Variants in ATP5F1E observed in about 807,000 individuals in gnomAD.
ATP5F1E encodes the protein ATP synthase F1 subunit epsilon.
In ATP5F1E, 5 loss-of-function variants were observed where a neutral mutation model predicts 7.0. The observed-to-expected ratio is 0.71, with a 90% CI of 0.37 to 1.49. The LOEUF is 1.49. Among genes scored for constraint, ATP5F1E ranks in the 40% most tolerant of loss-of-function variants. The pLI is 0.03. For missense variants in ATP5F1E, 59 were observed against 57.1 expected, an observed-to-expected ratio of 1.03 and a Z score of -0.11; for synonymous variants, 20 against 20.1, an observed-to-expected ratio of 0.99 and a Z score of 0.02.
chr20:59,029,334 A>C (rs1212235203), intron 2 of ATP5F1E: 5 of 152,238 alleles, frequency 3.3e-5, no homozygotes, highest in Non-Finnish European at 7.3e-5. Context: ...ATGAGATTAG[A>C]CAGAGAGCCC....
At chr20:59,030,879 A>G (rs1480060520) in intron 1 of ATP5F1E, among the ~76,000 whole-genome samples, 2 of 152,248 alleles carry the variant, frequency 1.3e-5, no homozygotes, top group African/African-American at 4.8e-5. Context: ...TTTTGAATTA[A>G]AACAATTCGT....
chr20:59,032,204 G>A lies in ATP5F1E; in HGVS notation c.32+16C>T. On this transcript the variant is annotated intron_variant, in intron 1 of 2. Transcript: ENST00000243997. Reference sequence around the variant, plus strand: ...GCCGGCTCGCGAAGCCCTTCCCTCTGGAGGCCTGGGCCTACCTGAGTCCAG... The same window carrying A: ...GCCGGCTCGCGAAGCCCTTCCCTCTAGAGGCCTGGGCCTACCTGAGTCCAG... The A allele has an allele frequency of 6.4e-7, 1 of 1,572,422 alleles. No homozygotes were observed. Among genetic ancestry groups the A allele is most frequent in the Non-Finnish European group, 8.6e-7 (1 of 1,161,088 alleles).
rs2092005943 is a variant in ATP5F1E at position 59,028,407 on chromosome 20, T to A, written c.*438A>T. On this transcript the variant is annotated 3_prime_UTR_variant, in exon 3 of 3. Coordinates refer to ENST00000243997, the MANE Select transcript of ATP5F1E (RefSeq NM_006886.4). ...AGTATTTAATAATTATTTCCATTTG[T>A]TACTGATAACCATGTCATTATTCTG... 1 of 152,258 alleles carries A rather than the reference T, an allele frequency of 6.6e-6. No homozygotes were observed. The highest frequency in any genetic ancestry group is 2.4e-5 in the African/African-American group (1 of 41,474). The allele number at this position is 152,258 out of a possible 1,614,324, so 9.4% of individuals were successfully genotyped here.
intron 1 of ATP5F1E, among the ~76,000 whole-genome samples, chr20:59,031,428 G>A (rs1225076997): frequency 1.3e-5 from 2 of 152,208 alleles, no homozygotes; most frequent in Non-Finnish European, 2.9e-5. Context: ...GACTTCGCTG[G>A]CTTGACCTCA....
Position 59,029,404 on chromosome 20 carries a change from A to T in ATP5F1E, c.*4-563T>A, listed in dbSNP as rs569631911. On this transcript the variant is annotated intron_variant, in intron 2 of 2. Coordinates refer to ENST00000243997, the MANE Select transcript of ATP5F1E (RefSeq NM_006886.4). Reference sequence around the variant, plus strand: ...CCAGACTTGTAATAAAATATTTACTAATTCAAAATGAAAATGAAAAGTGCT... The same window carrying T: ...CCAGACTTGTAATAAAATATTTACTTATTCAAAATGAAAATGAAAAGTGCT... The T allele has an allele frequency of 1.8e-4, 28 of 152,364 alleles. No individual in the cohort carries two copies. In the East Asian group the frequency reaches 5.2e-3, roughly 28 times the overall value. 9.4% of individuals were successfully genotyped at this position (152,364 alleles called of 1,614,324 possible).
At chr20:59,029,565 ATCTC>A (rs754597149) in intron 2 of ATP5F1E, 1 of 152,272 alleles carries the variant, frequency 6.6e-6, no homozygotes, top group Non-Finnish European at 1.5e-5. Flanking sequence ...TCTGAAAAAC[ATCTC>A]TCTGATAATT....
At chr20:59,029,334 A>G (rs1212235203) in intron 2 of ATP5F1E, 1 of 152,238 alleles carries the variant, frequency 6.6e-6, no homozygotes, top group Non-Finnish European at 1.5e-5. Context: ...ATGAGATTAG[A>G]CAGAGAGCCC....
rs1395025140 is a variant in ATP5F1E, at chr20:59,027,112, C to T, written c.*1733G>A. The T allele has an allele frequency of 6.6e-6, 1 of 152,144 alleles. No individual in the cohort carries two copies. The highest frequency in any genetic ancestry group is 3.2e-3 in the Middle Eastern group (1 of 316). The allele number at this position is 152,144 out of a possible 1,614,324, so 9.4% of individuals were successfully genotyped here. A position where few individuals can be genotyped will look rare whatever the true frequency, so the allele number is the denominator to read the frequency against. The stretch of plus-strand genomic sequence containing the variant: ...TCTAAGAATCTCTGCTGACAGTAAA[C>T]TTGTCTTTTACTCAGTGACTTCACT... On this transcript the variant is annotated 3_prime_UTR_variant, in exon 3 of 3. Coordinates refer to ENST00000243997, the MANE Select transcript of ATP5F1E (RefSeq NM_006886.4).
intron 2 of ATP5F1E, 87 bp downstream of exon 2, chr20:59,030,216 A>G: frequency 2.6e-6 from 4 of 1,540,174 alleles, no homozygotes; most frequent in Non-Finnish European, 2.7e-6. Context: ...AAAAATGAAT[A>G]GAACCCAAAA....
At position 59,030,449 on chromosome 20, in the gene ATP5F1E, G is replaced by T. The variant is rs777043683; in HGVS notation, c.33-20C>A. ...ATGTAGCTGGGAGAAAATGAGAGAA[G>T]GTATATGGTTAATTATCAATATTCC... On this transcript the variant is annotated intron_variant, in intron 1 of 2. Coordinates refer to ENST00000243997, the MANE Select transcript of ATP5F1E (RefSeq NM_006886.4). The T allele has an allele frequency of 3.1e-6, 5 of 1,612,892 alleles. No homozygotes were observed. In the East Asian group the frequency reaches 1.1e-4, roughly 36 times the overall value.
chr20:59,031,786 A>C (rs2092032798), intron 1 of ATP5F1E, among the ~76,000 whole-genome samples: 1 of 152,222 alleles, frequency 6.6e-6, no homozygotes, highest in Non-Finnish European at 1.5e-5. Context: ...CTCCACCTCG[A>C]TGCTGGATTA....
chr20:59,031,936 C>G (rs947499527), intron 1 of ATP5F1E, among the ~76,000 whole-genome samples: 2 of 152,276 alleles, frequency 1.3e-5, no homozygotes, highest in Non-Finnish European at 2.9e-5. Context: ...TGGCCTCTCT[C>G]TCGAGAAACC....
chr20:59,030,494 T>A lies in ATP5F1E; in HGVS notation c.33-65A>T, dbSNP rs78735620. On this transcript the variant is annotated intron_variant, in intron 1 of 2. Transcript: ENST00000243997. Reference sequence around the variant, plus strand: ...TATTCCAGCCAGACAGCTGTTACTGTGTTTTCGCTTTTCTTCCTGTACTTT... The same window carrying A: ...TATTCCAGCCAGACAGCTGTTACTGAGTTTTCGCTTTTCTTCCTGTACTTT... 1.1e-3 allele frequency: 1,739 copies of A among 1,596,180 alleles called. 11 individuals are homozygous for A. The African/African-American group carries it at 0.02, about 19-fold the overall frequency.
At position 59,032,313 on chromosome 20, in the gene ATP5F1E, C is replaced by G; in HGVS notation, c.-62G>C. 6.4e-7 allele frequency: 1 copy of G among 1,567,530 alleles called. No individual in the cohort carries two copies. Among genetic ancestry groups the G allele is most frequent in the Admixed American group, 1.9e-5 (1 of 53,016 alleles). On this transcript the variant is annotated 5_prime_UTR_variant, in exon 1 of 3. Coordinates refer to ENST00000243997, the MANE Select transcript of ATP5F1E (RefSeq NM_006886.4). ...CAAGACGCCGGCAATGTCGGCTCAG[C>G]CGGGCGGTTCAGCCGCAGGAAGATC...
chr20:59,027,813 C>T lies in ATP5F1E; in HGVS notation c.*1032G>A, dbSNP rs1199267864. Reference sequence around the variant, plus strand: ...TCAAGTGTCGGGACAATAAGTCATTCCCAGAAGCCGAGAACAAAGATGTTC... The same window carrying T: ...TCAAGTGTCGGGACAATAAGTCATTTCCAGAAGCCGAGAACAAAGATGTTC... On this transcript the variant is annotated 3_prime_UTR_variant, in exon 3 of 3. Transcript: ENST00000243997. The T allele has an allele frequency of 6.6e-6, 1 of 152,222 alleles. No individual in the cohort carries two copies. Among genetic ancestry groups the T allele is most frequent in the Non-Finnish European group, 1.5e-5 (1 of 68,058 alleles). 9.4% of individuals were successfully genotyped at this position (152,222 alleles called of 1,614,324 possible). A position where few individuals can be genotyped will look rare whatever the true frequency, so the allele number is the denominator to read the frequency against.
At chr20:59,030,239 T>C (rs2092017432) in intron 2 of ATP5F1E, 64 bp downstream of exon 2, 2 of 1,595,926 alleles carry the variant, frequency 1.3e-6, no homozygotes, top group African/African-American at 2.7e-5. Context: ...AAAATTATTT[T>C]GATCTTTATG....
In ATP5F1E at chr20:59,026,032, A is replaced by T. The variant is rs2091992611; in HGVS notation, c.*2813T>A. 1 of 152,182 alleles carries T rather than the reference A, an allele frequency of 6.6e-6. No individual in the cohort carries two copies. Among genetic ancestry groups the T allele is most frequent in the East Asian group, 1.9e-4 (1 of 5,206 alleles). The allele number at this position is 152,182 out of a possible 1,614,324, so 9.4% of individuals were successfully genotyped here. On this transcript the variant is annotated 3_prime_UTR_variant, in exon 3 of 3. Transcript: ENST00000243997. ...CTGAGATACACTATTTGATCCATGG[A>T]TAACCGGTAATGGGAAAATGCTCCG...
At chr20:59,030,134 C>G (rs2092016551) in intron 2 of ATP5F1E, 169 bp downstream of exon 2, 1 of 760,336 alleles carries the variant, frequency 1.3e-6, no homozygotes. Context: ...TTTTATTAGG[C>G]CAGGGGACTT....
intron 1 of ATP5F1E, 24 bp downstream of exon 1, chr20:59,032,196 T>A (rs2092036620): frequency 4.5e-6 from 7 of 1,564,420 alleles, no homozygotes; most frequent in African/African-American, 1.4e-5. Flanking sequence ...CGCGAAGCCC[T>A]TCCCTCTGGA....
Sources: gnomAD v4.1 joint callset for allele counts (sites outside exome capture counted in the v4.1 genomes callset) on GRCh38, gnomAD v4.1.1 for gene constraint, MANE v1.5 for transcripts, NCBI Gene and HGNC (gene_info 2026-07-23, HGNC 2026-07-21) for gene names.